The following C12orf42 variants were observed in gnomAD, a reference collection of about 807,000 sequenced individuals.
The protein encoded by C12orf42 is uncharacterized protein C12orf42.
C12orf42 carries 25 observed loss-of-function variants against 21.6 expected under a neutral mutation model. The ratio of observed to expected loss-of-function variants is 1.16; its 90% CI spans 0.84 to 1.62. C12orf42 has a LOEUF of 1.62. C12orf42 is among the 40% of genes most tolerant of loss of function. C12orf42 has a pLI of 0.00. For missense variants in C12orf42, 483 were observed against 459.3 expected (o/e 1.05, Z -0.47); for synonymous variants, 174 against 175.0 (o/e 0.99, Z 0.05).
intron 2 of C12orf42, among the ~76,000 whole-genome samples, chr12:103,449,986 C>A (rs1293115784): frequency 6.6e-6 from 1 of 151,230 alleles, no homozygotes; most frequent in East Asian, 1.9e-4. Context: ...AAAGTTATAT[C>A]TTTTAATTTT....
rs912363321 is a variant in C12orf42, at chr12:103,494,665, C to A, written c.-22+1237G>T. Among the ~76,000 whole-genome samples, 10 of 152,094 alleles carry A rather than the reference C, an allele frequency of 6.6e-5. No individual in the cohort carries two copies. The East Asian group carries it at 1.9e-3, about 29-fold the overall frequency. Reference sequence around the variant, plus strand: ...CTTCAGACTTTTTTTTCCTCTTCTTCTCTTAAAGTTCCTTCTTGGCCATTT... The same window carrying A: ...CTTCAGACTTTTTTTTCCTCTTCTTATCTTAAAGTTCCTTCTTGGCCATTT... On this transcript the variant is annotated intron_variant, in intron 1 of 5. Coordinates refer to ENST00000548883, the MANE Select transcript of C12orf42 (RefSeq NM_198521.5).
chr12:103,223,039 A>G, the C12orf42 span, among the ~76,000 whole-genome samples: 1 of 152,074 alleles, frequency 6.6e-6, no homozygotes, highest in African/African-American at 2.4e-5. Context: ...CATTCACATT[A>G]ATTGCACACC....
At chr12:103,391,144 T>C (rs1313139014) in intron 3 of C12orf42, among the ~76,000 whole-genome samples, 1 of 150,800 alleles carries the variant, frequency 6.6e-6, no homozygotes, top group Non-Finnish European at 1.5e-5. Context: ...CTTTTTATGA[T>C]TGAATCATAT....
intron 3 of C12orf42, among the ~76,000 whole-genome samples, chr12:103,373,126 A>C (rs190890721): frequency 6.6e-6 from 1 of 152,262 alleles, no homozygotes; most frequent in Admixed American, 6.5e-5. Context: ...CCCATGCTCT[A>C]TATATGAAAG....
chr12:103,078,342 GT>G, the C12orf42 span, among the ~76,000 whole-genome samples: 6 of 152,058 alleles, frequency 3.9e-5, no homozygotes, highest in African/African-American at 1.2e-4. Context: ...AAAGTTTATG[GT>G]TTTTTTCTTT....
At chr12:103,495,541 C>CG (rs1275638754) in intron 1 of C12orf42, among the ~76,000 whole-genome samples, 1 of 151,904 alleles carries the variant, frequency 6.6e-6, no homozygotes, top group African/African-American at 2.4e-5. Flanking sequence ...CTCGCCTCCG[C>CG]GGGGGACCAT....
At chr12:103,216,602 T>G in the C12orf42 span, among the ~76,000 whole-genome samples, 1 of 151,814 alleles carries the variant, frequency 6.6e-6, no homozygotes, top group African/African-American at 2.4e-5. Context: ...ATAGTCTCGA[T>G]CTCCTGACCT....
At chr12:103,160,710 C>T in the C12orf42 span, among the ~76,000 whole-genome samples, 1 of 152,210 alleles carries the variant, frequency 6.6e-6, no homozygotes, top group Non-Finnish European at 1.5e-5. Context: ...TTAGACTCCT[C>T]CTAAGCTAGA....
chr12:103,131,605 A>G, the C12orf42 span, among the ~76,000 whole-genome samples: 1 of 152,214 alleles, frequency 6.6e-6, no homozygotes, highest in African/African-American at 2.4e-5. Context: ...ACTGTTCTAA[A>G]TATTTTTTTT....
chr12:103,281,720 G>A (rs12306103), intron 4 of C12orf42, among the ~76,000 whole-genome samples: 16,659 of 151,734 alleles, frequency 0.11, 998 homozygotes, highest in African/African-American at 0.16. Flanking sequence ...CAGTGGTGCA[G>A]TCATAGCTCA....
intron 4 of C12orf42, among the ~76,000 whole-genome samples, chr12:103,295,843 CAT>C (rs1257180686): frequency 1.7e-4 from 26 of 152,058 alleles, no homozygotes; most frequent in East Asian, 3.9e-4. Flanking sequence ...GTAAAAAAAA[CAT>C]GTAATCCCAA....
At chr12:103,524,285 T>A in the C12orf42 span, among the ~76,000 whole-genome samples, 1 of 152,208 alleles carries the variant, frequency 6.6e-6, no homozygotes, top group Non-Finnish European at 1.5e-5. Context: ...AATTTCATCC[T>A]TCTGCCAGGG....
At chr12:103,271,977 AT>A (rs1163277883) in intron 5 of C12orf42, among the ~76,000 whole-genome samples, 5 of 152,180 alleles carry the variant, frequency 3.3e-5, no homozygotes, top group Admixed American at 3.3e-4. Context: ...TTGTGGACCC[AT>A]CATTTAAATC....
intron 2 of C12orf42, among the ~76,000 whole-genome samples, chr12:103,476,403 G>C (rs1954054547): frequency 1.3e-5 from 2 of 152,180 alleles, no homozygotes; most frequent in Non-Finnish European, 2.9e-5. Flanking sequence ...AAGAGGAAAA[G>C]AAACTCTCTC....
chr12:103,050,652 C>T, the C12orf42 span, among the ~76,000 whole-genome samples: 2 of 152,012 alleles, frequency 1.3e-5, no homozygotes, highest in South Asian at 4.1e-4. Flanking sequence ...GACTCTTCAC[C>T]TGCTCAGAGC....
At chr12:103,159,301 A>T in the C12orf42 span, among the ~76,000 whole-genome samples, 1 of 152,180 alleles carries the variant, frequency 6.6e-6, no homozygotes, top group Non-Finnish European at 1.5e-5. Flanking sequence ...CCAGTGGTGC[A>T]TGTCTACAGA....
intron 2 of C12orf42, among the ~76,000 whole-genome samples, chr12:103,402,001 T>C (rs996677888): frequency 2.0e-5 from 3 of 152,194 alleles, no homozygotes; most frequent in African/African-American, 7.2e-5. Flanking sequence ...GGTGATATAT[T>C]GGGATGAAAT....
At chr12:103,290,974 A>G (rs2036774677) in intron 4 of C12orf42, among the ~76,000 whole-genome samples, 1 of 152,170 alleles carries the variant, frequency 6.6e-6, no homozygotes. Flanking sequence ...AATCTTCACC[A>G]CTATGCTATA....
chr12:103,534,222 C>T, the C12orf42 span, among the ~76,000 whole-genome samples: 168 of 152,288 alleles, frequency 1.1e-3, no homozygotes, highest in African/African-American at 3.2e-3. Flanking sequence ...ATCTGCCAAT[C>T]GCTGTGTAGA....
Sources: allele counts gnomAD v4.1 joint callset (sites outside exome capture counted in the v4.1 genomes callset), GRCh38; gene constraint gnomAD v4.1.1; transcripts MANE v1.5; gene names NCBI Gene and HGNC (gene_info 2026-07-23, HGNC 2026-07-21).